The following ATP8B4 variants were observed in gnomAD, a reference collection of about 807,000 sequenced individuals.
ATP8B4 encodes the protein probable phospholipid-transporting ATPase IM.
A neutral mutation model predicts 145.6 loss-of-function variants in ATP8B4; 133 were observed. That is an observed-to-expected ratio of 0.91 (90% CI 0.79 to 1.05). The LOEUF (loss-of-function observed/expected upper bound fraction) is 1.05, where lower values mean the gene tolerates loss of function less well. Among genes scored for constraint, ATP8B4 ranks in the 50% least tolerant of loss-of-function variants. The probability of loss-of-function intolerance (pLI) is 0.00; values close to 1 mark genes in which losing one functional copy is unlikely to be tolerated. For synonymous variants in ATP8B4, 507 were observed against 492.9 expected (o/e 1.03, Z -0.38); for missense variants, 1,458 against 1,425.2 (o/e 1.02, Z -0.37).
chr15:49,911,067 A>C (rs564741512), intron 20 of ATP8B4, among the ~76,000 whole-genome samples: 32 of 152,290 alleles, frequency 2.1e-4, no homozygotes, highest in Middle Eastern at 3.4e-3. Context: ...AAAAAGAAAT[A>C]AAGGAACAGA....
chr15:50,119,337 C>T (rs2057237503), upstream of ATP8B4: 1 of 152,210 alleles, frequency 6.6e-6, no homozygotes. Context: ...CTTACCACCA[C>T]CGGAAGCTGC....
intron 2 of ATP8B4, among the ~76,000 whole-genome samples, chr15:50,104,920 A>G (rs2153666617): frequency 6.9e-6 from 1 of 145,854 alleles, no homozygotes; most frequent in Middle Eastern, 3.7e-3. Context: ...CTACTCAGCC[A>G]TAAGAATGAA....
intron 20 of ATP8B4, among the ~76,000 whole-genome samples, chr15:49,912,005 A>G (rs2039279709): frequency 6.6e-6 from 1 of 152,210 alleles, no homozygotes. Context: ...AACAAAACAT[A>G]CCAAAACCTA....
At chr15:49,964,765 C>T (rs1004053634) in intron 13 of ATP8B4, among the ~76,000 whole-genome samples, 2 of 152,136 alleles carry the variant, frequency 1.3e-5, no homozygotes, top group Non-Finnish European at 1.5e-5. Flanking sequence ...CAAGAGCCTT[C>T]TCCAAAAATA....
rs536670315 is a variant in ATP8B4 at position 50,049,982 on chromosome 15, A to G, written c.88-2518T>C. Among the ~76,000 whole-genome samples the G allele has an allele frequency of 1.6e-4, 25 of 152,128 alleles. No homozygotes were observed. In the East Asian group the frequency reaches 4.8e-3, roughly 29 times the overall value. Reference sequence around the variant, plus strand: ...CTTTTGAGAAGTGTCTTCTTGCCACATAGCAAATTCCATGCCTGGGGTCAC... The same window carrying G: ...CTTTTGAGAAGTGTCTTCTTGCCACGTAGCAAATTCCATGCCTGGGGTCAC... On this transcript the variant is annotated intron_variant, in intron 3 of 27. Coordinates refer to ENST00000284509, the MANE Select transcript of ATP8B4 (RefSeq NM_024837.4).
chr15:50,169,264 C>T (rs575451767), intron 1 of ATP8B4, among the ~76,000 whole-genome samples: 47 of 151,688 alleles, frequency 3.1e-4, no homozygotes, highest in African/African-American at 1.1e-3. Flanking sequence ...GCTAAGGACA[C>T]TCATGGAGTC....
chr15:49,935,278 G>A (rs146592515), intron 14 of ATP8B4, among the ~76,000 whole-genome samples: 40 of 151,978 alleles, frequency 2.6e-4, no homozygotes, highest in East Asian at 7.8e-4. Context: ...ATAATCTTCC[G>A]AACAATGATG....
At chr15:50,053,716 G>C (rs143546503) in intron 3 of ATP8B4, among the ~76,000 whole-genome samples, 4 of 152,040 alleles carry the variant, frequency 2.6e-5, no homozygotes, top group East Asian at 1.9e-4. Context: ...ACTACTTGGT[G>C]GGGGGGTGGG....
chr15:49,984,490 C>A (rs2046417805), intron 10 of ATP8B4, among the ~76,000 whole-genome samples: 1 of 152,000 alleles, frequency 6.6e-6, no homozygotes, highest in Non-Finnish European at 1.5e-5. Context: ...TCCACCTGAG[C>A]CAGAAGGGAT....
At chr15:50,129,135 G>A (rs901353459) in intron 1 of ATP8B4, among the ~76,000 whole-genome samples, 2 of 152,154 alleles carry the variant, frequency 1.3e-5, no homozygotes, top group African/African-American at 4.8e-5. Flanking sequence ...AATAGTGTGA[G>A]TAAATTGTGA....
intron 3 of ATP8B4, among the ~76,000 whole-genome samples, chr15:50,072,994 A>C (rs2053913550): frequency 4.4e-4 from 16 of 36,612 alleles, no homozygotes; most frequent in Non-Finnish European, 5.6e-4. Flanking sequence ...ATATATATAT[A>C]TATATATATA....
At chr15:50,112,520 T>C (rs2056994390) in intron 1 of ATP8B4, among the ~76,000 whole-genome samples, 1 of 152,092 alleles carries the variant, frequency 6.6e-6, no homozygotes, top group Non-Finnish European at 1.5e-5. Context: ...TCTATGCTCC[T>C]TTCTCTGTTC....
chr15:50,161,623 C>A (rs929855084), intron 1 of ATP8B4, among the ~76,000 whole-genome samples: 1 of 151,914 alleles, frequency 6.6e-6, no homozygotes, highest in Non-Finnish European at 1.5e-5. Context: ...CATAAACAAA[C>A]AAGCAAAGAG....
intron 25 of ATP8B4, among the ~76,000 whole-genome samples, chr15:49,872,153 C>G (rs1478114667): frequency 2.0e-5 from 3 of 152,168 alleles, no homozygotes; most frequent in African/African-American, 4.8e-5. Context: ...ATGCTTGCCT[C>G]AAATCTTTAA....
At chr15:49,916,024 T>C (rs2039705312) in intron 20 of ATP8B4, among the ~76,000 whole-genome samples, 1 of 151,896 alleles carries the variant, frequency 6.6e-6, no homozygotes. Flanking sequence ...TAGCTCCCCA[T>C]CTAGAATGGA....
chr15:49,917,919 G>C (rs28759067), intron 19 of ATP8B4, among the ~76,000 whole-genome samples: 1 of 152,122 alleles, frequency 6.6e-6, no homozygotes, highest in African/African-American at 2.4e-5. Context: ...TCAAACTCTA[G>C]AGAGTTTCTA....
intron 3 of ATP8B4, among the ~76,000 whole-genome samples, chr15:50,054,533 C>T (rs1397642718): frequency 6.6e-6 from 1 of 152,126 alleles, no homozygotes; most frequent in African/African-American, 2.4e-5. Flanking sequence ...CCGGTAATCC[C>T]AGCACTTTGG....
intron 1 of ATP8B4, among the ~76,000 whole-genome samples, chr15:50,149,067 A>C (rs2044314038): frequency 6.6e-6 from 1 of 152,248 alleles, no homozygotes; most frequent in African/African-American, 2.4e-5. Flanking sequence ...TTGTTCATCT[A>C]TGAATCAATA....
intron 3 of ATP8B4, among the ~76,000 whole-genome samples, chr15:50,066,802 G>GT (rs917979215): frequency 2.0e-5 from 3 of 151,952 alleles, no homozygotes; most frequent in Non-Finnish European, 2.9e-5. Context: ...AGTTTGTGGG[G>GT]TTTTTTTCTG....
Sources: allele counts gnomAD v4.1 joint callset (sites outside exome capture counted in the v4.1 genomes callset), GRCh38; gene constraint gnomAD v4.1.1; transcripts MANE v1.5; gene names NCBI Gene and HGNC (gene_info 2026-07-23, HGNC 2026-07-21).